The following HERC3 variants were observed in gnomAD, a reference collection of about 807,000 sequenced individuals.
HERC3 encodes probable E3 ubiquitin-protein ligase HERC3.
HERC3 carries 58 observed loss-of-function variants against 129.9 expected under a neutral mutation model. The ratio of observed to expected loss-of-function variants is 0.45; its 90% CI spans 0.36 to 0.56. HERC3 has a LOEUF of 0.56. HERC3 is among the 20% of genes least tolerant of loss of function. The pLI is 0.00. For missense variants in HERC3, 835 were observed against 1,244.2 expected, an observed-to-expected ratio of 0.67 and a Z score of 4.95; for synonymous variants, 430 against 451.0, an observed-to-expected ratio of 0.95 and a Z score of 0.59.
chr4:88,535,396 A>G, the HERC3 span, among the ~76,000 whole-genome samples: 1 of 152,218 alleles, frequency 6.6e-6, no homozygotes, highest in Non-Finnish European at 1.5e-5. Context: ...TAAAGATCTT[A>G]CTGAAAAGTA....
At chr4:88,523,862 T>G in the HERC3 span, 1 of 651,670 alleles carries the variant, frequency 1.5e-6, no homozygotes, top group Non-Finnish European at 2.4e-6. Context: ...CCGAGGGTGC[T>G]TCTGCTCCGA....
At chr4:88,634,676 A>C in intron 3 of HERC3, among the ~76,000 whole-genome samples, 1 of 146,332 alleles carries the variant, frequency 6.8e-6, no homozygotes, top group Non-Finnish European at 1.5e-5. Context: ...TTCCTGTGCC[A>C]CCCAACTGGG....
chr4:88,575,870 C>T, the HERC3 span, among the ~76,000 whole-genome samples: 1 of 152,128 alleles, frequency 6.6e-6, no homozygotes, highest in Admixed American at 6.6e-5. Context: ...CAAATACTGC[C>T]TATTTTCTTA....
chr4:88,707,088 C>G lies in HERC3; in HGVS notation c.*128C>G, dbSNP rs945382115. 5 of 732,462 alleles carry G rather than the reference C, an allele frequency of 6.8e-6. No individual in the cohort carries two copies. The highest frequency in any genetic ancestry group is 1.1e-5 in the Non-Finnish European group (5 of 438,226). The allele number at this position is 732,462 out of a possible 1,614,324, so 45.4% of individuals were successfully genotyped here. On this transcript the variant is annotated 3_prime_UTR_variant, in exon 26 of 26. Transcript: ENST00000402738. ...TGGGTTGGGACTTTTAAATACTGAG[C>G]CTGGTTGATGTGTTTCTGGGATTGT...
chr4:88,611,531 G>T (rs2924942), intron 3 of HERC3, among the ~76,000 whole-genome samples: 1 of 151,906 alleles, frequency 6.6e-6, no homozygotes, highest in African/African-American at 2.4e-5. Flanking sequence ...TGTGATTTCA[G>T]CTTGGTATCA....
At chr4:88,569,213 C>T in the HERC3 span, among the ~76,000 whole-genome samples, 2 of 152,190 alleles carry the variant, frequency 1.3e-5, no homozygotes, top group African/African-American at 2.4e-5. Flanking sequence ...TGACTGAATT[C>T]TTCCCTGTGT....
the HERC3 span, among the ~76,000 whole-genome samples, chr4:88,543,150 C>A: frequency 6.6e-6 from 1 of 152,148 alleles, no homozygotes; most frequent in African/African-American, 2.4e-5. Flanking sequence ...GTCAAATTGT[C>A]CCTGTTTGCA....
At chr4:88,606,172 G>A (rs17799056) in intron 3 of HERC3, 123 bp downstream of exon 3, 120,595 of 678,508 alleles carry the variant, frequency 0.18, 11,552 homozygotes, top group East Asian at 0.24. Context: ...TCTTTTGAAC[G>A]GTGCAGGGAT....
chr4:88,660,801 A>G (rs1351389868), intron 10 of HERC3, among the ~76,000 whole-genome samples: 1 of 152,094 alleles, frequency 6.6e-6, no homozygotes, highest in Non-Finnish European at 1.5e-5. Flanking sequence ...TTGGCTGCCT[A>G]CTGGAATCAC....
intron 3 of HERC3, among the ~76,000 whole-genome samples, chr4:88,612,293 G>GTGTGTGTGTGTA (rs1257895729): frequency 3.9e-5 from 5 of 128,570 alleles, no homozygotes; most frequent in African/African-American, 1.9e-4. Context: ...GACCAACTGT[G>GTGTGTGTGTGTA]TGTGTGTGTG....
chr4:88,658,310 T>G, intron 9 of HERC3, 105 bp from the exon 10 acceptor site: 1 of 555,140 alleles, frequency 1.8e-6, no homozygotes, highest in South Asian at 2.6e-5. Context: ...ACAATTAAAA[T>G]GGATAGGTAC....
chr4:88,634,772 C>G (rs113544904), intron 3 of HERC3, among the ~76,000 whole-genome samples: 1 of 151,428 alleles, frequency 6.6e-6, no homozygotes, highest in Non-Finnish European at 1.5e-5. Flanking sequence ...CAGTGCCCCT[C>G]GAGGTCAGAG....
At chr4:88,575,786 G>T in the HERC3 span, among the ~76,000 whole-genome samples, 1 of 152,056 alleles carries the variant, frequency 6.6e-6, no homozygotes, top group East Asian at 1.9e-4. Context: ...ATCCTCTATT[G>T]TTGTAAGAAC....
chr4:88,547,786 G>T, the HERC3 span, among the ~76,000 whole-genome samples: 2 of 152,156 alleles, frequency 1.3e-5, no homozygotes, highest in Non-Finnish European at 2.9e-5. Flanking sequence ...CTCCTGAGTA[G>T]CTGGGACTAT....
At chr4:88,590,007 C>A (rs1173134812), upstream of HERC3, among the ~76,000 whole-genome samples, 1 of 152,202 alleles carries the variant, frequency 6.6e-6, no homozygotes, top group African/African-American at 2.4e-5. Flanking sequence ...GAGGCTCACG[C>A]CTGTAATCTC....
At chr4:88,533,697 T>C in the HERC3 span, among the ~76,000 whole-genome samples, 1 of 152,242 alleles carries the variant, frequency 6.6e-6, no homozygotes, top group African/African-American at 2.4e-5. Flanking sequence ...CTTTCAGCAC[T>C]TTGATCTTAA....
chr4:88,696,033 T>G (rs957828036), intron 23 of HERC3: 2 of 152,666 alleles, frequency 1.3e-5, no homozygotes, highest in Non-Finnish European at 2.9e-5. Context: ...TAAGAGTCTT[T>G]ACATTAAATA....
chr4:88,625,923 A>C (rs527682211), intron 3 of HERC3, among the ~76,000 whole-genome samples: 1 of 151,982 alleles, frequency 6.6e-6, no homozygotes. Context: ...TTTTATTTTC[A>C]GTCTGTTAAG....
chr4:88,532,432 T>C, the HERC3 span, among the ~76,000 whole-genome samples: 2 of 152,290 alleles, frequency 1.3e-5, no homozygotes, highest in East Asian at 1.9e-4. Flanking sequence ...TATATGGCTG[T>C]CCCAGCTCAA....
Sources: gnomAD v4.1 joint callset for allele counts (sites outside exome capture counted in the v4.1 genomes callset) on GRCh38, gnomAD v4.1.1 for gene constraint, MANE v1.5 for transcripts, NCBI Gene and HGNC (gene_info 2026-07-23, HGNC 2026-07-21) for gene names.